The following RANBP17 variants were observed in gnomAD, a reference collection of about 807,000 sequenced individuals.
RANBP17 encodes the protein ran-binding protein 17.
A neutral mutation model predicts 141.2 loss-of-function variants in RANBP17; 158 were observed. That is an observed-to-expected ratio of 1.12 (90% CI 0.98 to 1.28). RANBP17 has a LOEUF of 1.28. RANBP17 is among the 50% of genes most tolerant of loss of function. The pLI is 0.00. For synonymous variants in RANBP17, 430 were observed against 450.0 expected, an observed-to-expected ratio of 0.96 and a Z score of 0.56; for missense variants, 1,438 against 1,290.7, an observed-to-expected ratio of 1.11 and a Z score of -1.75.
intron 24 of RANBP17, among the ~76,000 whole-genome samples, chr5:171,256,391 C>A (rs1765897176): frequency 6.6e-6 from 1 of 152,024 alleles, no homozygotes; most frequent in African/African-American, 2.4e-5. Context: ...AAAATAATAT[C>A]TATTAAAGTT....
chr5:171,141,012 C>T (rs925769309), intron 14 of RANBP17, among the ~76,000 whole-genome samples: 2 of 152,162 alleles, frequency 1.3e-5, no homozygotes, highest in Non-Finnish European at 2.9e-5. Flanking sequence ...ATCAGGACAG[C>T]TCTGAGGCCA....
intron 14 of RANBP17, among the ~76,000 whole-genome samples, chr5:171,054,025 A>G (rs1250789764): frequency 1.3e-5 from 2 of 150,822 alleles, no homozygotes; most frequent in African/African-American, 4.9e-5. Flanking sequence ...ATAATTCTCT[A>G]CTTAAAATCT....
In RANBP17 at chr5:171,265,830, C is replaced by A. The variant is rs770897058; in HGVS notation, c.2926C>A (p.Pro976Thr). Residue 976 changes from proline (P) to threonine (T), a missense_variant, in exon 25 of 28, where the codon CCA (proline) becomes ACA (threonine). Transcript: ENST00000523189. ...ACTATTACATTTTATGCAGCAAAACCCAGATGTCCTGCAGCAGGTAACTGG... is the reference window on the plus strand; with the variant it reads ...ACTATTACATTTTATGCAGCAAAACACAGATGTCCTGCAGCAGGTAACTGG... ...QRLLHFMQQN[P>T]DVLQQMMSVL... 3.7e-6 allele frequency: 6 copies of A among 1,613,396 alleles called. No individual in the cohort carries two copies. In the South Asian group the frequency reaches 6.6e-5, roughly 18 times the overall value.
At chr5:171,113,845 ACT>A (rs1755420723) in intron 14 of RANBP17, among the ~76,000 whole-genome samples, 1 of 152,156 alleles carries the variant, frequency 6.6e-6, no homozygotes, top group East Asian at 1.9e-4. Flanking sequence ...TACCTTTTTC[ACT>A]CTCATGAATG....
chr5:171,290,240 G>A (rs557068184), intron 25 of RANBP17, among the ~76,000 whole-genome samples: 30 of 151,734 alleles, frequency 2.0e-4, no homozygotes, highest in Non-Finnish European at 3.4e-4. Context: ...GTGGTGGCAC[G>A]TGCCTGTAAT....
intron 12 of RANBP17, among the ~76,000 whole-genome samples, chr5:170,943,411 C>T (rs991253621): frequency 1.3e-5 from 2 of 152,008 alleles, no homozygotes; most frequent in African/African-American, 2.4e-5. Flanking sequence ...AGAAATAGGT[C>T]ATTAACAGTA....
intron 20 of RANBP17, among the ~76,000 whole-genome samples, chr5:171,212,232 A>T (rs1322683156): frequency 6.6e-6 from 1 of 152,194 alleles, no homozygotes; most frequent in Non-Finnish European, 1.5e-5. Flanking sequence ...GCTCTTTAGA[A>T]ATGCACTATC....
At chr5:171,087,282 G>T (rs1045331495) in intron 14 of RANBP17, among the ~76,000 whole-genome samples, 1 of 152,114 alleles carries the variant, frequency 6.6e-6, no homozygotes, top group Admixed American at 6.5e-5. Context: ...CTTTGAGTGG[G>T]ATTCTTAATC....
intron 8 of RANBP17, among the ~76,000 whole-genome samples, chr5:170,915,758 C>T (rs1012642937): frequency 6.6e-6 from 1 of 152,110 alleles, no homozygotes. Context: ...CCTGCCCCCC[C>T]CAACAGGATA....
chr5:171,020,995 T>G (rs887271931), intron 14 of RANBP17, among the ~76,000 whole-genome samples: 9 of 152,190 alleles, frequency 5.9e-5, no homozygotes, highest in Non-Finnish European at 1.0e-4. Context: ...CAGTATTTGC[T>G]TGTCTGAAAT....
intron 14 of RANBP17, among the ~76,000 whole-genome samples, chr5:171,160,195 CT>C (rs993183342): frequency 1.3e-5 from 2 of 152,042 alleles, no homozygotes; most frequent in African/African-American, 4.8e-5. Context: ...TTTCTCCTGA[CT>C]TTTTTTCTAT....
At chr5:171,257,211 G>T (rs149124795) in intron 24 of RANBP17, among the ~76,000 whole-genome samples, 1 of 152,182 alleles carries the variant, frequency 6.6e-6, no homozygotes, top group Non-Finnish European at 1.5e-5. Flanking sequence ...GATAGTACAC[G>T]ATGATCAATT....
At chr5:170,908,818 G>A (rs1040886265) in intron 5 of RANBP17, among the ~76,000 whole-genome samples, 4 of 151,810 alleles carry the variant, frequency 2.6e-5, no homozygotes, top group Admixed American at 6.6e-5. Flanking sequence ...TTGGAGCTTA[G>A]GAAGTATCAC....
chr5:171,291,597 A>G (rs1768501056), intron 25 of RANBP17, among the ~76,000 whole-genome samples: 1 of 152,056 alleles, frequency 6.6e-6, no homozygotes, highest in African/African-American at 2.4e-5. Context: ...AAAGCCTCCC[A>G]CCAGAGATTT....
At chr5:171,170,525 G>T (rs773933539) in intron 15 of RANBP17, among the ~76,000 whole-genome samples, 1 of 151,962 alleles carries the variant, frequency 6.6e-6, no homozygotes, top group Non-Finnish European at 1.5e-5. Context: ...AAAAGCACGC[G>T]ATTTGAAAGA....
intron 14 of RANBP17, among the ~76,000 whole-genome samples, chr5:170,998,008 G>A (rs1581352707): frequency 6.6e-6 from 1 of 151,906 alleles, no homozygotes; most frequent in East Asian, 1.9e-4. Context: ...CCAGCACTTT[G>A]GGAGGCTGAG....
intron 9 of RANBP17, among the ~76,000 whole-genome samples, chr5:170,917,217 C>T (rs746682472): frequency 2.6e-5 from 4 of 152,126 alleles, no homozygotes; most frequent in Non-Finnish European, 5.9e-5. Context: ...GTATGTCCAC[C>T]TTATGAACTA....
chr5:171,099,134 T>TTCCTAA (rs1372928753), intron 14 of RANBP17, among the ~76,000 whole-genome samples: 1 of 152,214 alleles, frequency 6.6e-6, no homozygotes, highest in East Asian at 1.9e-4. Flanking sequence ...AAGTAGTTGT[T>TTCCTAA]TCCTAATTCT....
chr5:171,077,739 A>C (rs2127703328), intron 14 of RANBP17, among the ~76,000 whole-genome samples: 1 of 152,336 alleles, frequency 6.6e-6, no homozygotes, highest in Middle Eastern at 3.4e-3. Context: ...AAGTCACAGG[A>C]AAAGCACCAA....
Sources: allele counts gnomAD v4.1 joint callset (sites outside exome capture counted in the v4.1 genomes callset), GRCh38; gene constraint gnomAD v4.1.1; transcripts MANE v1.5; gene names NCBI Gene and HGNC (gene_info 2026-07-23, HGNC 2026-07-21).